Variants in TARM1 observed in about 807,000 individuals in gnomAD.
TARM1 encodes T cell-interacting, activating receptor on myeloid cells 1.
A neutral mutation model predicts 30.4 loss-of-function variants in TARM1; 24 were observed. The ratio of observed to expected loss-of-function variants is 0.79; its 90% CI spans 0.57 to 1.11. The LOEUF is 1.11. Ranked by LOEUF, TARM1 falls within the 50% of genes least tolerant of loss-of-function variation. TARM1 has a pLI of 0.00. For missense variants in TARM1, 323 were observed against 332.8 expected (o/e 0.97, Z 0.23); for synonymous variants, 129 against 138.9 (o/e 0.93, Z 0.50).
Position 54,081,300 on chromosome 19 carries a change from G to A in TARM1, c.34+7C>T, listed in dbSNP as rs2072124462. On this transcript the variant is annotated splice_region_variant and intron_variant, in intron 1 of 4. Coordinates refer to ENST00000432826, the MANE Select transcript of TARM1 (RefSeq NM_001135686.3). ...GCAGTCCCAGTGGATAGCCCTGTGA[G>A]ACTTACTGAAACAGAGGAGGGAAAG... 8 of 1,549,082 alleles carry A rather than the reference G, an allele frequency of 5.2e-6. No homozygotes were observed. Among genetic ancestry groups the A allele is most frequent in the Non-Finnish European group, 7.0e-6 (8 of 1,146,076 alleles).
chr19:54,076,358 C>T, intron 1 of TARM1: 1 of 786,138 alleles, frequency 1.3e-6, no homozygotes, highest in East Asian at 2.9e-5. Context: ...TTCATTCATT[C>T]TTTCTTTCTT....
intron 4 of TARM1, among the ~76,000 whole-genome samples, chr19:54,073,624 G>T (rs1378744150): frequency 6.6e-6 from 1 of 151,620 alleles, no homozygotes; most frequent in African/African-American, 2.4e-5. Context: ...CTCCCAAGTA[G>T]CTGGGTCTAC....
At chr19:54,077,214 C>A (rs112645028) in intron 1 of TARM1, among the ~76,000 whole-genome samples, 141,388 of 151,620 alleles carry the variant, frequency 0.93, 65,973 homozygotes, top group South Asian at 0.99. Flanking sequence ...AACCCCGTCT[C>A]TACTAAAAAT....
At chr19:54,077,109 G>A (rs1028533782) in intron 1 of TARM1, among the ~76,000 whole-genome samples, 5 of 152,138 alleles carry the variant, frequency 3.3e-5, no homozygotes, top group Admixed American at 2.6e-4. Flanking sequence ...CATGCCGGGC[G>A]CGGTGGCTCC....
chr19:54,070,185 C>A, intron 4 of TARM1, 25 bp from the exon 5 acceptor site: 1 of 1,549,066 alleles, frequency 6.5e-7, no homozygotes, highest in Non-Finnish European at 8.7e-7. Flanking sequence ...GGGCTCAGCA[C>A]TGACCCTCAG....
Position 54,074,875 on chromosome 19 carries a change from A to T in TARM1, c.310T>A (p.Ser104Thr). The T allele has an allele frequency of 6.4e-7, 1 of 1,551,398 alleles. No homozygotes were observed. The highest frequency in any genetic ancestry group is 8.7e-7 in the Non-Finnish European group (1 of 1,146,932). The change falls in exon 3 of 5, where the codon TCC (serine) becomes ACC (threonine). Residue 104 changes from serine (S) to threonine (T), a missense_variant. Coordinates refer to ENST00000432826, the MANE Select transcript of TARM1 (RefSeq NM_001135686.3). ...EYTCEYYRKA[S>T]PHILSQHSDV... is the part of the protein sequence containing the mutation. ...CTGTGCTGTGAAAGGATGTGGGGGG[A>T]TGCTTTTCTGTAGTATTCACAGGTG... is the stretch of plus-strand genomic sequence containing the variant.
rs1568514410 is a variant in TARM1 at position 54,081,298 on chromosome 19, G to A, written c.34+9C>T. 1.9e-6 allele frequency: 3 copies of A among 1,548,926 alleles called. No homozygotes were observed. The Admixed American group carries it at 6.0e-5, about 31-fold the overall frequency. On this transcript the variant is annotated intron_variant, in intron 1 of 4. Transcript: ENST00000432826. ...CTGCAGTCCCAGTGGATAGCCCTGT[G>A]AGACTTACTGAAACAGAGGAGGGAA...
chr19:54,071,249 C>T (rs982903209), intron 4 of TARM1, among the ~76,000 whole-genome samples: 2 of 152,096 alleles, frequency 1.3e-5, no homozygotes, highest in Admixed American at 6.6e-5. Flanking sequence ...TGAGCCACCG[C>T]GCCCGGCCAA....
At chr19:54,071,925 G>T (rs2146206076) in intron 4 of TARM1, among the ~76,000 whole-genome samples, 1 of 152,162 alleles carries the variant, frequency 6.6e-6, no homozygotes, top group African/African-American at 2.4e-5. Context: ...AGGTGCAGTG[G>T]CTCATGCCTG....
intron 1 of TARM1, 73 bp downstream of exon 1, chr19:54,081,234 C>T: frequency 1.4e-6 from 2 of 1,455,060 alleles, no homozygotes; most frequent in Non-Finnish European, 1.9e-6. Context: ...GTTATTATTT[C>T]CATCCCCAGC....
chr19:54,081,283 AGTGGATAGCCCT>A lies in TARM1; in HGVS notation c.34+12_34+23del, dbSNP rs367852267. ...CAGTTCCATGATTTTCTGCAGTCCCAGTGGATAGCCCTGTGAGACTTACTGAAACAGAGGAGG... is the reference window on the plus strand; with the variant it reads ...CAGTTCCATGATTTTCTGCAGTCCCAGTGAGACTTACTGAAACAGAGGAGG... On this transcript the variant is annotated intron_variant, in intron 1 of 4. Coordinates refer to ENST00000432826, the MANE Select transcript of TARM1 (RefSeq NM_001135686.3). 2.6e-4 allele frequency: 407 copies of A among 1,548,480 alleles called. 1 individual carries two copies. The African/African-American group carries it at 4.7e-3, about 18-fold the overall frequency.
At chr19:54,076,335 T>TTTCTTTCTTTCA (rs749026851) in intron 1 of TARM1, 3 of 506,682 alleles carry the variant, frequency 5.9e-6, no homozygotes, top group East Asian at 3.4e-5. Context: ...TTTTTCTTTC[T>TTTCTTTCTTTCA]TTCTTTCTTT....
intron 4 of TARM1, among the ~76,000 whole-genome samples, chr19:54,070,614 AC>A (rs1484581354): frequency 6.8e-6 from 1 of 146,224 alleles, no homozygotes; most frequent in Non-Finnish European, 1.5e-5. Flanking sequence ...TTTTAATTGA[AC>A]TTTTTTTTTT....
chr19:54,073,458 G>A (rs2071862783), intron 4 of TARM1, among the ~76,000 whole-genome samples: 1 of 150,614 alleles, frequency 6.6e-6, no homozygotes, highest in African/African-American at 2.4e-5. Context: ...TTGTGAAAGG[G>A]AGGTTTTTTT....
chr19:54,076,036 C>T lies in TARM1; in HGVS notation c.35-118G>A, dbSNP rs587685388. ...TGAGAACAGACCCTTAGAGGTCATACGCTCAGGAGTTCTCATTCTCCCCAC... is the reference window on the plus strand; with the variant it reads ...TGAGAACAGACCCTTAGAGGTCATATGCTCAGGAGTTCTCATTCTCCCCAC... On this transcript the variant is annotated intron_variant, in intron 1 of 4. Coordinates refer to ENST00000432826, the MANE Select transcript of TARM1 (RefSeq NM_001135686.3). 6.2e-5 allele frequency: 90 copies of T among 1,442,970 alleles called. No individual in the cohort carries two copies. In the Admixed American group the frequency reaches 1.4e-3, roughly 23 times the overall value. 89.4% of individuals were successfully genotyped at this position (1,442,970 alleles called of 1,614,324 possible). A position where few individuals can be genotyped will look rare whatever the true frequency, so the allele number is the denominator to read the frequency against.
At chr19:54,077,066 G>A (rs1003864179) in intron 1 of TARM1, among the ~76,000 whole-genome samples, 1 of 151,964 alleles carries the variant, frequency 6.6e-6, no homozygotes, top group Non-Finnish European at 1.5e-5. Context: ...TTTTTTGATA[G>A]AGACAGGGCT....
intron 2 of TARM1, 63 bp from the exon 3 acceptor site, chr19:54,075,177 T>G: frequency 7.9e-7 from 1 of 1,268,574 alleles, no homozygotes; most frequent in South Asian, 1.7e-5. Context: ...GAAGCCCTTT[T>G]TAAAATTTAT....
rs553707044 is a variant in TARM1 at position 54,070,693 on chromosome 19, A to G, written c.659-533T>C. Among the ~76,000 whole-genome samples the G allele has an allele frequency of 7.9e-5, 12 of 151,310 alleles. No individual in the cohort carries two copies. In the South Asian group the frequency reaches 2.5e-3, roughly 32 times the overall value. On this transcript the variant is annotated intron_variant, in intron 4 of 4. Transcript: ENST00000432826. ...AATGGCACAATCTCAGCTCACTACA[A>G]CCTCTGCCTCCCGGGTTCAAGTGAT... is the stretch of plus-strand genomic sequence containing the variant.
intron 2 of TARM1, 64 bp from the exon 3 acceptor site, chr19:54,075,178 TA>T: frequency 8.1e-7 from 1 of 1,236,800 alleles, no homozygotes. Context: ...AAGCCCTTTT[TA>T]AAATTTATTA....
Sources: allele counts gnomAD v4.1 joint callset (sites outside exome capture counted in the v4.1 genomes callset), GRCh38; gene constraint gnomAD v4.1.1; transcripts MANE v1.5; gene names NCBI Gene and HGNC (gene_info 2026-07-23, HGNC 2026-07-21).